Variants in CCDC73 observed in about 807,000 individuals in gnomAD.
The protein encoded by CCDC73 is coiled-coil domain containing 73, also known as coiled-coil domain-containing protein 73.
A neutral mutation model predicts 116.5 loss-of-function variants in CCDC73; 95 were observed. The ratio of observed to expected loss-of-function variants is 0.82; its 90% CI spans 0.69 to 0.97. CCDC73 has a LOEUF of 0.97. Ranked by LOEUF, CCDC73 falls within the 50% of genes least tolerant of loss-of-function variation. The pLI is 0.00. For missense variants in CCDC73, 1,066 were observed against 1,206.8 expected, an observed-to-expected ratio of 0.88 and a Z score of 1.73; for synonymous variants, 398 against 401.3, an observed-to-expected ratio of 0.99 and a Z score of 0.10.
chr11:32,685,266 C>CAAAAAA (rs35408326), intron 6 of CCDC73, among the ~76,000 whole-genome samples: 3 of 93,468 alleles, frequency 3.2e-5, no homozygotes, highest in Admixed American at 1.3e-4. Context: ...AACACTGGAC[C>CAAAAAA]AAAAAAAAAA....
the CCDC73 span, among the ~76,000 whole-genome samples, chr11:32,815,704 C>T: frequency 1.3e-5 from 2 of 152,164 alleles, no homozygotes; most frequent in African/African-American, 4.8e-5. Flanking sequence ...TAAGTGTTTG[C>T]ACCAGATCTC....
chr11:32,683,009 T>C (rs1856162246), intron 7 of CCDC73: 2 of 154,748 alleles, frequency 1.3e-5, no homozygotes, highest in Non-Finnish European at 2.9e-5. Context: ...ATAAGAGGTT[T>C]TAGAGTTTTG....
chr11:32,632,903 A>C (rs1226903183), intron 14 of CCDC73, among the ~76,000 whole-genome samples: 2 of 152,228 alleles, frequency 1.3e-5, no homozygotes, highest in African/African-American at 4.8e-5. Flanking sequence ...AAAGGTAAAT[A>C]ATCTATGTTT....
chr11:32,737,974 A>G (rs1005678604), intron 2 of CCDC73, among the ~76,000 whole-genome samples: 5 of 152,148 alleles, frequency 3.3e-5, no homozygotes, highest in South Asian at 2.1e-4. Flanking sequence ...GGCTTATTTC[A>G]CTTAACATAA....
At position 32,660,243 on chromosome 11, in the gene CCDC73, A is replaced by C. The variant is rs999482233; in HGVS notation, c.646-5271T>G. On this transcript the variant is annotated intron_variant, in intron 9 of 17. Transcript: ENST00000335185. The stretch of plus-strand genomic sequence containing the variant: ...GTTCTCTCTACCAAAAAAAAAAAAA[A>C]AAAAAAAAAAAACAGGTTGGATCCA... 4.0e-5 allele frequency among the ~76,000 whole-genome samples: 6 copies of C among 150,360 alleles called. No individual in the cohort carries two copies. In the East Asian group the frequency reaches 7.7e-4, roughly 19 times the overall value.
chr11:32,628,242 C>A (rs1301463579), intron 14 of CCDC73, among the ~76,000 whole-genome samples: 3 of 152,140 alleles, frequency 2.0e-5, no homozygotes, highest in African/African-American at 7.2e-5. Flanking sequence ...AGGCTTACTG[C>A]CTAGACACTT....
intron 1 of CCDC73, among the ~76,000 whole-genome samples, chr11:32,776,649 T>G (rs1850534358): frequency 6.6e-6 from 1 of 152,068 alleles, no homozygotes; most frequent in African/African-American, 2.4e-5. Flanking sequence ...CCTTCCATTT[T>G]CTAAATCCAT....
At chr11:32,778,685 G>A (rs956569009) in intron 1 of CCDC73, among the ~76,000 whole-genome samples, 13 of 151,938 alleles carry the variant, frequency 8.6e-5, no homozygotes, top group South Asian at 2.1e-4. Context: ...GGTGGCAGGC[G>A]CCTGTAATCC....
chr11:32,764,048 A>G (rs567286904), intron 1 of CCDC73, among the ~76,000 whole-genome samples: 2 of 152,354 alleles, frequency 1.3e-5, no homozygotes, highest in South Asian at 4.1e-4. Context: ...CAAAGCGAGA[A>G]GAGAAGTTTA....
the CCDC73 span, among the ~76,000 whole-genome samples, chr11:32,820,700 G>C: frequency 1.3e-5 from 2 of 152,214 alleles, no homozygotes; most frequent in East Asian, 3.9e-4. Flanking sequence ...AGTGAACAGA[G>C]AGTGCCCTTT....
rs1367327503 is a variant in CCDC73, at chr11:32,642,101, T to A, written c.940-19A>T. 6.6e-7 allele frequency: 1 copy of A among 1,512,174 alleles called. No homozygotes were observed. The allele number at this position is 1,512,174 out of a possible 1,614,324, so 93.7% of individuals were successfully genotyped here. On this transcript the variant is annotated intron_variant, in intron 12 of 17. Transcript: ENST00000335185. ...CAAGGGTCTGCAATAAAATTAATTA[T>A]CCAAAAAATAATCAATACCACATTA...
At chr11:32,738,174 A>T (rs867485958) in intron 2 of CCDC73, among the ~76,000 whole-genome samples, 1 of 152,212 alleles carries the variant, frequency 6.6e-6, no homozygotes, top group Non-Finnish European at 1.5e-5. Flanking sequence ...GGGAGTACAG[A>T]TATCTCTTTG....
the CCDC73 span, among the ~76,000 whole-genome samples, chr11:32,823,302 C>T: frequency 2.0e-5 from 3 of 152,100 alleles, no homozygotes; most frequent in Non-Finnish European, 2.9e-5. Flanking sequence ...GGTGAAACCC[C>T]GTCTCTACTA....
intron 2 of CCDC73, among the ~76,000 whole-genome samples, chr11:32,749,293 A>G (rs897911484): frequency 2.6e-5 from 4 of 151,914 alleles, no homozygotes; most frequent in African/African-American, 4.8e-5. Context: ...TGCTTGATCA[A>G]TTCTGCTATT....
At chr11:32,658,793 T>C (rs1056057250) in intron 9 of CCDC73, among the ~76,000 whole-genome samples, 1 of 151,696 alleles carries the variant, frequency 6.6e-6, no homozygotes, top group Admixed American at 6.6e-5. Context: ...AAAAATATAA[T>C]AGACTGAACA....
At chr11:32,623,988 A>C (rs1034027145) in intron 14 of CCDC73, among the ~76,000 whole-genome samples, 4 of 152,148 alleles carry the variant, frequency 2.6e-5, no homozygotes, top group Non-Finnish European at 5.9e-5. Context: ...GGCTGGTAGG[A>C]CTATAAACTG....
intron 2 of CCDC73, among the ~76,000 whole-genome samples, chr11:32,757,924 T>C (rs145736088): frequency 0.012 from 1,821 of 152,296 alleles, 14 homozygotes; most frequent in Non-Finnish European, 0.017. Flanking sequence ...ATTCACAGGT[T>C]CTTGAAATTA....
Position 32,703,723 on chromosome 11 carries a change from C to T in CCDC73, c.208-779G>A, listed in dbSNP as rs185015539. Among the ~76,000 whole-genome samples the T allele has an allele frequency of 1.0e-4, 12 of 116,668 alleles. No homozygotes were observed. The East Asian group carries it at 4.3e-3, about 42-fold the overall frequency. 76.5% of individuals were successfully genotyped at this position (116,668 alleles called of 152,430 possible). On this transcript the variant is annotated intron_variant, in intron 3 of 17. Coordinates refer to ENST00000335185, the MANE Select transcript of CCDC73 (RefSeq NM_001008391.4). Reference sequence around the variant, plus strand: ...ATAATTTTTCACAAACCAAAACTACCACAAGAGAATTTCTGGAAAAAAATC... The same window carrying T: ...ATAATTTTTCACAAACCAAAACTACTACAAGAGAATTTCTGGAAAAAAATC...
the CCDC73 span, among the ~76,000 whole-genome samples, chr11:32,810,552 G>A: frequency 2.0e-5 from 3 of 152,100 alleles, no homozygotes; most frequent in African/African-American, 7.2e-5. Context: ...TTTAAAGAGG[G>A]AAAAAGGAAA....
Sources: gnomAD v4.1 joint callset for allele counts (sites outside exome capture counted in the v4.1 genomes callset) on GRCh38, gnomAD v4.1.1 for gene constraint, MANE v1.5 for transcripts, NCBI Gene and HGNC (gene_info 2026-07-23, HGNC 2026-07-21) for gene names.